EPHA5: variants seen among roughly 807,000 people sequenced by gnomAD.
EPHA5 encodes EPH receptor A5, also known as ephrin type-A receptor 5.
In EPHA5, 60 loss-of-function variants were observed where a neutral mutation model predicts 105.0. The observed-to-expected ratio is 0.57, with a 90% CI of 0.46 to 0.71. EPHA5 has a LOEUF of 0.71. EPHA5 is among the 30% of genes least tolerant of loss of function. The pLI is 0.00. For missense variants in EPHA5, 1,218 were observed against 1,274.7 expected (o/e 0.96, Z 0.68); for synonymous variants, 513 against 449.1 (o/e 1.14, Z -1.80).
intron 3 of EPHA5, among the ~76,000 whole-genome samples, chr4:65,509,132 C>T (rs1050036816): frequency 6.6e-6 from 1 of 152,090 alleles, no homozygotes; most frequent in Non-Finnish European, 1.5e-5. Context: ...AAGTGTCCTA[C>T]TGGGTCTTAA....
chr4:65,534,747 A>T (rs1298798766), intron 3 of EPHA5, among the ~76,000 whole-genome samples: 1 of 152,232 alleles, frequency 6.6e-6, no homozygotes, highest in Non-Finnish European at 1.5e-5. Context: ...TCTATTACAG[A>T]TGCAATGTTC....
Position 65,331,984 on chromosome 4 carries a change from C to A in EPHA5, c.2934G>T (p.Gln978His). 6.2e-7 allele frequency: 1 copy of A among 1,600,370 alleles called. No homozygotes were observed. Among genetic ancestry groups the A allele is most frequent in the Non-Finnish European group, 8.5e-7 (1 of 1,175,106 alleles). ...NGYSSMDAVA[Q>H]VTLEDLRRLG... ...GAAAAATTACTCACTCCAAGGTCAC[C>A]TGAGCCACAGCGTCCATTGAACTGT... Residue 978 changes from glutamine to histidine, a missense_variant, in exon 16 of 17, where the codon CAG (glutamine) becomes CAT (histidine). Gln to His is a conservative substitution (Grantham distance 24, BLOSUM62 0). This residue lies in a region of EPHA5 where 971 missense variants were observed against 1,013.5 expected (regional missense o/e 0.96). Transcript: ENST00000613740.
chr4:65,324,997 C>T lies in EPHA5; in HGVS notation c.2946-778G>A, dbSNP rs139147229. On this transcript the variant is annotated intron_variant, in intron 16 of 16. Transcript: ENST00000613740. ...GCCATGGTTTTTCAACGTTCTTTTA[C>T]AGGATGTTTAGGAATGCTATTCCCC... 5.3e-5 allele frequency among the ~76,000 whole-genome samples: 8 copies of T among 151,396 alleles called. No homozygotes were observed. In the East Asian group the frequency reaches 1.4e-3, roughly 26 times the overall value.
chr4:65,362,837 G>A (rs1036757654), intron 11 of EPHA5, among the ~76,000 whole-genome samples: 1 of 151,620 alleles, frequency 6.6e-6, no homozygotes, highest in Non-Finnish European at 1.5e-5. Context: ...TTTAGGATAC[G>A]ATCTTTGTCT....
chr4:65,505,334 A>G (rs1382708579), intron 3 of EPHA5, among the ~76,000 whole-genome samples: 3 of 152,030 alleles, frequency 2.0e-5, no homozygotes, highest in African/African-American at 7.2e-5. Context: ...TGCTTGTTTT[A>G]TTGTGTCATT....
At chr4:65,540,315 GTATGCTTTA>G (rs1312347065) in intron 3 of EPHA5, among the ~76,000 whole-genome samples, 2 of 151,370 alleles carry the variant, frequency 1.3e-5, no homozygotes, top group Non-Finnish European at 3.0e-5. Context: ...CTTTTGTATT[GTATGCTTTA>G]TATGAACAAT....
chr4:65,529,487 G>A (rs1735559960), intron 3 of EPHA5, among the ~76,000 whole-genome samples: 1 of 150,718 alleles, frequency 6.6e-6, no homozygotes, highest in African/African-American at 2.4e-5. Flanking sequence ...ATTCAGTTAT[G>A]TACATCCTTC....
chr4:65,401,481 TCC>T (rs1721816291), intron 8 of EPHA5, among the ~76,000 whole-genome samples: 1 of 151,972 alleles, frequency 6.6e-6, no homozygotes, highest in Non-Finnish European at 1.5e-5. Flanking sequence ...ATGACAAATG[TCC>T]CCCGAAATTC....
chr4:65,464,198 T>C (rs906823012), intron 5 of EPHA5, among the ~76,000 whole-genome samples: 2 of 151,838 alleles, frequency 1.3e-5, no homozygotes, highest in African/African-American at 4.8e-5. Context: ...AGTTCACAAA[T>C]TTGAATTGAC....
At chr4:65,649,703 A>T (rs1748426410) in intron 1 of EPHA5, among the ~76,000 whole-genome samples, 2 of 152,150 alleles carry the variant, frequency 1.3e-5, no homozygotes, top group South Asian at 4.1e-4. Context: ...TCTGGCTTCA[A>T]TCCCCATTAT....
chr4:65,485,053 AG>A (rs1730752464), intron 5 of EPHA5, among the ~76,000 whole-genome samples: 1 of 151,758 alleles, frequency 6.6e-6, no homozygotes, highest in African/African-American at 2.4e-5. Flanking sequence ...AATACTCATT[AG>A]AAAACTTGAA....
chr4:65,400,980 T>G (rs543256085), intron 8 of EPHA5, among the ~76,000 whole-genome samples: 1 of 152,084 alleles, frequency 6.6e-6, no homozygotes, highest in Non-Finnish European at 1.5e-5. Context: ...TCATATCATA[T>G]TCCAGATATT....
At chr4:65,525,795 T>C (rs1202398569) in intron 3 of EPHA5, among the ~76,000 whole-genome samples, 1 of 151,928 alleles carries the variant, frequency 6.6e-6, no homozygotes, top group Non-Finnish European at 1.5e-5. Context: ...GCTTATCAAA[T>C]GTTTCTATTT....
chr4:65,657,898 C>CAAAAA (rs58539913), intron 1 of EPHA5, among the ~76,000 whole-genome samples: 3 of 117,434 alleles, frequency 2.6e-5, no homozygotes, highest in Non-Finnish European at 5.3e-5. Flanking sequence ...TTGGTATATG[C>CAAAAA]AAAAAAAAAA....
At chr4:65,399,233 G>T (rs77953715) in intron 8 of EPHA5, among the ~76,000 whole-genome samples, 1 of 152,264 alleles carries the variant, frequency 6.6e-6, no homozygotes, top group East Asian at 1.9e-4. Context: ...GCTGCAGCTG[G>T]CACTAATTAA....
At position 65,612,045 on chromosome 4, in the gene EPHA5, G is replaced by A. The variant is rs377003881; in HGVS notation, c.247-9741C>T. Among the ~76,000 whole-genome samples, 40 of 104,116 alleles carry A rather than the reference G, an allele frequency of 3.8e-4. 1 individual carries two copies. Among genetic ancestry groups the A allele is most frequent in the East Asian group, 5.4e-4 (2 of 3,738 alleles). The allele number at this position is 104,116 out of a possible 152,430, so 68.3% of individuals were successfully genotyped here. ...AAAAAAAAAAAAAAAAAAAAGGAAA[G>A]AAAAGAAAAGAAAAGAAAAGAAAAG... On this transcript the variant is annotated intron_variant, in intron 2 of 16. Coordinates refer to ENST00000613740, the MANE Select transcript of EPHA5 (RefSeq NM_001281766.3).
chr4:65,530,372 A>T (rs1403770519), intron 3 of EPHA5, among the ~76,000 whole-genome samples: 1 of 151,870 alleles, frequency 6.6e-6, no homozygotes, highest in African/African-American at 2.4e-5. Context: ...ATTGGCAGAA[A>T]ATACTAAGCT....
chr4:65,393,893 C>A (rs1418551452), intron 8 of EPHA5, among the ~76,000 whole-genome samples: 2 of 152,170 alleles, frequency 1.3e-5, no homozygotes, highest in Admixed American at 1.3e-4. Context: ...CTCCTCCAGT[C>A]ATACTTTCAT....
At chr4:65,480,983 C>A (rs867743827) in intron 5 of EPHA5, among the ~76,000 whole-genome samples, 1 of 151,986 alleles carries the variant, frequency 6.6e-6, no homozygotes, top group African/African-American at 2.4e-5. Context: ...AACAAGGATC[C>A]ATTTGGTGTT....
Sources: allele counts gnomAD v4.1 joint callset (sites outside exome capture counted in the v4.1 genomes callset), GRCh38; gene constraint gnomAD v4.1.1; regional missense constraint gnomAD v4.1.1; transcripts MANE v1.5; gene names NCBI Gene and HGNC (gene_info 2026-07-23, HGNC 2026-07-21).